ATAD1: variants seen among roughly 807,000 people sequenced by gnomAD.
The protein encoded by ATAD1 is ATPase family AAA domain containing 1, also known as outer mitochondrial transmembrane helix translocase.
A neutral mutation model predicts 42.7 loss-of-function variants in ATAD1; 18 were observed. The ratio of observed to expected loss-of-function variants is 0.42; its 90% confidence interval spans 0.29 to 0.63. The LOEUF (loss-of-function observed/expected upper bound fraction) is 0.63. Among genes scored for constraint, ATAD1 ranks in the 20% least tolerant of loss-of-function variants. ATAD1 has a pLI of 0.19. For synonymous variants in ATAD1, 132 were observed against 143.1 expected, an observed-to-expected ratio of 0.92 and a Z score of 0.55; for missense variants, 294 against 440.4, an observed-to-expected ratio of 0.67 and a Z score of 2.98.
At chr10:87,766,856 G>T (rs1469833239) in intron 8 of ATAD1, among the ~76,000 whole-genome samples, 3 of 151,326 alleles carry the variant, frequency 2.0e-5, no homozygotes, top group Admixed American at 6.6e-5. Context: ...GGAAAAAAGA[G>T]AAGATTTTTC....
At chr10:87,767,879 G>A (rs1050488392) in intron 7 of ATAD1, among the ~76,000 whole-genome samples, 156 bp from the exon 8 acceptor site, 1 of 151,734 alleles carries the variant, frequency 6.6e-6, no homozygotes, top group Non-Finnish European at 1.5e-5. Flanking sequence ...TAGATTCAAG[G>A]CTCTAGAGTA....
At chr10:87,766,114 A>G (rs1329394328) in intron 8 of ATAD1, among the ~76,000 whole-genome samples, 3 of 152,204 alleles carry the variant, frequency 2.0e-5, no homozygotes, top group Non-Finnish European at 4.4e-5. Context: ...GAAGTTCCAT[A>G]ACATTCTGTT....
intron 8 of ATAD1, among the ~76,000 whole-genome samples, chr10:87,761,266 T>A (rs1854472135): frequency 1.3e-5 from 2 of 152,208 alleles, no homozygotes; most frequent in South Asian, 4.1e-4. Flanking sequence ...AATGACGAGA[T>A]GTTCTCATGT....
chr10:87,821,422 C>T (rs558747463), upstream of ATAD1, among the ~76,000 whole-genome samples: 29 of 152,032 alleles, frequency 1.9e-4, no homozygotes, highest in East Asian at 3.5e-3. Context: ...ATCCCAGTTA[C>T]TTGGGAGGCT....
intron 6 of ATAD1, among the ~76,000 whole-genome samples, chr10:87,772,913 C>CA (rs374926268): frequency 5.3e-4 from 81 of 151,994 alleles, no homozygotes; most frequent in African/African-American, 1.8e-3. Flanking sequence ...ACTTAAGAAA[C>CA]AAAATCAATG....
intron 7 of ATAD1, 103 bp downstream of exon 7, chr10:87,770,849 A>C: frequency 1.1e-6 from 1 of 933,146 alleles, no homozygotes; most frequent in South Asian, 1.8e-5. Context: ...TCCCTGTCAT[A>C]AGCACCCCTA....
At chr10:87,800,622 T>G (rs889581153) in intron 2 of ATAD1, among the ~76,000 whole-genome samples, 21 of 152,090 alleles carry the variant, frequency 1.4e-4, no homozygotes, top group Admixed American at 1.3e-3. Context: ...AAAAAAAAAT[T>G]TTTAATTAAG....
At chr10:87,804,879 C>A (rs906664072) in intron 2 of ATAD1, among the ~76,000 whole-genome samples, 1 of 152,246 alleles carries the variant, frequency 6.6e-6, no homozygotes. Context: ...AAATCCCAGT[C>A]CCTGTACAAC....
chr10:87,841,250 T>A (rs1858029926), exon 1 of ATAD1: 1 of 152,186 alleles, frequency 6.6e-6, no homozygotes, highest in African/African-American at 2.4e-5. Context: ...CTTTGCACAG[T>A]TAAGCTGAGA....
At chr10:87,793,527 T>C (rs1283351463) in intron 2 of ATAD1, among the ~76,000 whole-genome samples, 2 of 152,074 alleles carry the variant, frequency 1.3e-5, no homozygotes, top group African/African-American at 2.4e-5. Flanking sequence ...AAAAAGAAAC[T>C]GAAGTTTAGC....
At chr10:87,811,136 C>G (rs995796120) in intron 2 of ATAD1, among the ~76,000 whole-genome samples, 1 of 152,068 alleles carries the variant, frequency 6.6e-6, no homozygotes, top group Non-Finnish European at 1.5e-5. Context: ...AGTTCAAGAC[C>G]AGCCTGGTCA....
chr10:87,821,375 T>A (rs7899878), upstream of ATAD1, among the ~76,000 whole-genome samples: 2,034 of 151,768 alleles, frequency 0.013, 41 homozygotes, highest in Middle Eastern at 0.078. Flanking sequence ...TAAAAAAAAA[T>A]ACAAAAATTA....
At chr10:87,786,945 A>G (rs908029377) in intron 4 of ATAD1, among the ~76,000 whole-genome samples, 1 of 150,932 alleles carries the variant, frequency 6.6e-6, no homozygotes, top group African/African-American at 2.4e-5. Context: ...ACAGGGCGAG[A>G]CTCCGTCTCA....
chr10:87,774,666 T>C (rs556502575), intron 6 of ATAD1, among the ~76,000 whole-genome samples: 3 of 152,028 alleles, frequency 2.0e-5, no homozygotes, highest in South Asian at 4.2e-4. Flanking sequence ...AGACATGAAA[T>C]AGGCCAGGCA....
chr10:87,825,433 C>T (rs1020529716), intron 1 of ATAD1, among the ~76,000 whole-genome samples: 2 of 151,858 alleles, frequency 1.3e-5, no homozygotes, highest in Admixed American at 1.3e-4. Flanking sequence ...CTTCAGCCTC[C>T]CGAGTAGCTG....
At chr10:87,818,329 T>C, upstream of ATAD1, 1 of 912,220 alleles carries the variant, frequency 1.1e-6, no homozygotes. Flanking sequence ...CTCCCAGGCT[T>C]AGAAACAGTG....
intron 2 of ATAD1, among the ~76,000 whole-genome samples, chr10:87,795,532 A>G (rs1486812377): frequency 6.8e-6 from 1 of 147,032 alleles, no homozygotes; most frequent in African/African-American, 2.5e-5. Flanking sequence ...AATGAGTTGG[A>G]TGGGGAGTGT....
chr10:87,828,624 C>T (rs978024569), intron 1 of ATAD1, among the ~76,000 whole-genome samples: 4 of 152,210 alleles, frequency 2.6e-5, no homozygotes, highest in Non-Finnish European at 5.9e-5. Context: ...AAGGTGGCTA[C>T]ACTAAACACA....
intron 8 of ATAD1, among the ~76,000 whole-genome samples, chr10:87,757,723 TC>T (rs960257291): frequency 6.6e-6 from 1 of 152,206 alleles, no homozygotes; most frequent in African/African-American, 2.4e-5. Context: ...ACATTTACTT[TC>T]CCCCACTGAT....
Sources: allele counts gnomAD v4.1 joint callset (sites outside exome capture counted in the v4.1 genomes callset), GRCh38; gene constraint gnomAD v4.1.1; transcripts MANE v1.5; gene names NCBI Gene and HGNC (gene_info 2026-07-23, HGNC 2026-07-21).